MYO1D: variants seen among roughly 807,000 people sequenced by gnomAD.
MYO1D encodes unconventional myosin-Id.
A neutral mutation model predicts 122.0 loss-of-function variants in MYO1D; 83 were observed. That is an observed-to-expected ratio of 0.68 (90% CI 0.57 to 0.82). MYO1D has a LOEUF of 0.82. Among genes scored for constraint, MYO1D ranks in the 40% least tolerant of loss-of-function variants. MYO1D has a pLI of 0.00. For missense variants in MYO1D, 1,157 were observed against 1,269.5 expected (o/e 0.91, Z 1.35); for synonymous variants, 464 against 446.9 (o/e 1.04, Z -0.48).
rs537748818 is a variant in MYO1D, at chr17:32,607,085, G to A, written c.2710-1844C>T. On this transcript the variant is annotated intron_variant, in intron 20 of 21. Transcript: ENST00000318217. ...TGAGGCAGGAGAATCGTGTGAACCC[G>A]GGAGGCGGAGGTTGCAGTGAGTTGA... Among the ~76,000 whole-genome samples the A allele has an allele frequency of 3.0e-3, 450 of 152,218 alleles. 4 individuals carry two copies. Among genetic ancestry groups the A allele is most frequent in the African/African-American group, 0.01 (434 of 41,514 alleles).
intron 21 of MYO1D, among the ~76,000 whole-genome samples, chr17:32,517,284 C>T (rs7212307): frequency 0.019 from 2,896 of 152,220 alleles, 85 homozygotes; most frequent in African/African-American, 0.066. Context: ...GGATGGGATC[C>T]GGAGGCATTT....
rs531833390 is a variant in MYO1D at position 32,635,701 on chromosome 17, G to A, written c.2709+3021C>T. 3.2e-4 allele frequency among the ~76,000 whole-genome samples: 49 copies of A among 152,112 alleles called. 1 individual carries two copies. The South Asian group carries it at 0.01, about 32-fold the overall frequency. ...GAGCAAGACTCCGTCTCGGGTGGCG[G>A]GGGGGTGGAAAGAAACATTACTTAA... On this transcript the variant is annotated intron_variant, in intron 20 of 21. Coordinates refer to ENST00000318217, the MANE Select transcript of MYO1D (RefSeq NM_015194.3).
At chr17:32,861,822 A>G (rs1039364444) in intron 1 of MYO1D, among the ~76,000 whole-genome samples, 1 of 152,186 alleles carries the variant, frequency 6.6e-6, no homozygotes, top group African/African-American at 2.4e-5. Context: ...GTTTGAGACC[A>G]GCCTGGGCAA....
intron 16 of MYO1D, among the ~76,000 whole-genome samples, chr17:32,703,192 C>T (rs889856722): frequency 2.0e-5 from 3 of 152,126 alleles, no homozygotes; most frequent in Non-Finnish European, 2.9e-5. Context: ...CTATGTGACA[C>T]AGTGAGCAAT....
chr17:32,537,985 A>G (rs544294057), intron 21 of MYO1D, among the ~76,000 whole-genome samples: 4 of 152,282 alleles, frequency 2.6e-5, no homozygotes, highest in African/African-American at 9.6e-5. Flanking sequence ...AGCATGAAAA[A>G]AATTTCTTGT....
At chr17:32,548,047 T>A (rs746923828) in intron 21 of MYO1D, among the ~76,000 whole-genome samples, 7 of 152,164 alleles carry the variant, frequency 4.6e-5, no homozygotes, top group Admixed American at 2.0e-4. Context: ...AGAGCACTCA[T>A]CATTGCAGTT....
chr17:32,659,060 A>G (rs936901875), intron 17 of MYO1D, 55 bp downstream of exon 17: 2 of 1,478,958 alleles, frequency 1.4e-6, no homozygotes, highest in East Asian at 2.3e-5. Flanking sequence ...GTGACTTTGC[A>G]TAGTATTAAC....
At chr17:32,715,008 T>C (rs1442218923) in intron 15 of MYO1D, among the ~76,000 whole-genome samples, 2 of 151,148 alleles carry the variant, frequency 1.3e-5, no homozygotes, top group Non-Finnish European at 3.0e-5. Flanking sequence ...GGGCAAAGGA[T>C]ATAAACAGAC....
At chr17:32,738,434 G>A in intron 13 of MYO1D, 49 bp from the exon 14 acceptor site, 11 of 1,491,974 alleles carry the variant, frequency 7.4e-6, no homozygotes, top group Non-Finnish European at 9.0e-6. Flanking sequence ...AAATAAGCTG[G>A]ATAAAAACTG....
At chr17:32,574,833 G>A (rs2087264369) in intron 21 of MYO1D, among the ~76,000 whole-genome samples, 1 of 152,208 alleles carries the variant, frequency 6.6e-6, no homozygotes, top group African/African-American at 2.4e-5. Flanking sequence ...GGGATCATGA[G>A]CTTTGAAGTC....
At chr17:32,528,044 G>A (rs1910398929) in intron 21 of MYO1D, among the ~76,000 whole-genome samples, 1 of 152,064 alleles carries the variant, frequency 6.6e-6, no homozygotes, top group Non-Finnish European at 1.5e-5. Context: ...TCACCATGTT[G>A]GCCAGGCTGG....
chr17:32,565,065 G>A (rs572171393), intron 21 of MYO1D, among the ~76,000 whole-genome samples: 116 of 152,204 alleles, frequency 7.6e-4, no homozygotes, highest in Non-Finnish European at 1.1e-3. Flanking sequence ...GTGTAGTGGC[G>A]CAATCTCAGC....
chr17:32,859,073 C>T (rs1436824654), intron 1 of MYO1D, among the ~76,000 whole-genome samples: 1 of 152,160 alleles, frequency 6.6e-6, no homozygotes, highest in African/African-American at 2.4e-5. Flanking sequence ...GTGACCATTG[C>T]TATTATATTA....
At chr17:32,745,158 T>C (rs2089819192) in intron 13 of MYO1D, 53 bp downstream of exon 13, 3 of 990,300 alleles carry the variant, frequency 3.0e-6, no homozygotes, top group African/African-American at 3.3e-5. Flanking sequence ...GTGCATATAT[T>C]ACATATGTCA....
chr17:32,822,841 G>A (rs1274071622), intron 1 of MYO1D, among the ~76,000 whole-genome samples: 4 of 151,552 alleles, frequency 2.6e-5, no homozygotes, highest in Admixed American at 1.3e-4. Context: ...GCTGCCGCCC[G>A]CGGGCGTGAG....
intron 20 of MYO1D, among the ~76,000 whole-genome samples, chr17:32,630,898 C>T (rs1220738652): frequency 1.3e-5 from 2 of 152,134 alleles, no homozygotes; most frequent in African/African-American, 4.8e-5. Context: ...CTGACGGCTT[C>T]TCTCCTTGCC....
chr17:32,876,880 G>C lies in MYO1D; in HGVS notation c.-8C>G. ...GCTCTCCTGCTCCGCCATGGCGCCA[G>C]CGCGGGGGCTCAGGTGGGCGCGCTC... On this transcript the variant is annotated 5_prime_UTR_variant, in exon 1 of 22. Coordinates refer to ENST00000318217, the MANE Select transcript of MYO1D (RefSeq NM_015194.3). 2.7e-6 allele frequency: 4 copies of C among 1,474,588 alleles called. No individual in the cohort carries two copies. Among genetic ancestry groups the C allele is most frequent in the Non-Finnish European group, 3.6e-6 (4 of 1,105,676 alleles). The allele number at this position is 1,474,588 out of a possible 1,614,324, so 91.3% of individuals were successfully genotyped here. A position where few individuals can be genotyped will look rare whatever the true frequency, so the allele number is the denominator to read the frequency against.
intron 1 of MYO1D, among the ~76,000 whole-genome samples, chr17:32,795,009 T>C (rs1351989170): frequency 6.6e-6 from 1 of 152,066 alleles, no homozygotes; most frequent in Non-Finnish European, 1.5e-5. Context: ...TATAATCTAT[T>C]GGAGACGGTA....
intron 21 of MYO1D, among the ~76,000 whole-genome samples, chr17:32,547,839 A>G (rs2086977334): frequency 6.6e-6 from 1 of 152,088 alleles, no homozygotes; most frequent in South Asian, 2.1e-4. Flanking sequence ...AGTCTCAGCT[A>G]CATGGGAAGC....
Sources: allele counts gnomAD v4.1 joint callset (sites outside exome capture counted in the v4.1 genomes callset), GRCh38; gene constraint gnomAD v4.1.1; transcripts MANE v1.5; gene names NCBI Gene and HGNC (gene_info 2026-07-23, HGNC 2026-07-21).